The following ROBO1 variants were observed in gnomAD, a reference collection of about 807,000 sequenced individuals.
The protein encoded by ROBO1 is roundabout guidance receptor 1, also known as roundabout homolog 1.
In ROBO1, 149 loss-of-function variants were observed where a neutral mutation model predicts 195.9. That is an observed-to-expected ratio of 0.76 (90% confidence interval 0.67 to 0.87). The LOEUF (loss-of-function observed/expected upper bound fraction) is 0.87. Ranked by LOEUF, ROBO1 falls within the 40% of genes least tolerant of loss-of-function variation. The probability of loss-of-function intolerance (pLI) is 0.00; values close to 1 mark genes in which losing one functional copy is unlikely to be tolerated. For synonymous variants in ROBO1, 816 were observed against 733.2 expected (o/e 1.11, Z -1.82); for missense variants, 1,933 against 2,068.3 (o/e 0.93, Z 1.27).
intron 2 of ROBO1, among the ~76,000 whole-genome samples, chr3:79,465,263 C>T (rs921070874): frequency 5.3e-5 from 8 of 152,046 alleles, no homozygotes; most frequent in African/African-American, 1.2e-4. Flanking sequence ...TCTGTTTTAA[C>T]GGTGGTTGTC....
At chr3:78,965,659 G>A (rs1027144076) in intron 3 of ROBO1, among the ~76,000 whole-genome samples, 3 of 151,296 alleles carry the variant, frequency 2.0e-5, no homozygotes, top group Non-Finnish European at 4.4e-5. Flanking sequence ...TATTTAATCA[G>A]AAGCATTTTT....
intron 3 of ROBO1, among the ~76,000 whole-genome samples, chr3:79,051,988 A>G (rs2108368150): frequency 6.6e-6 from 1 of 152,212 alleles, no homozygotes; most frequent in Middle Eastern, 3.4e-3. Flanking sequence ...TGTAAAACAT[A>G]TGTGTTTGAA....
chr3:79,537,330 C>T (rs1406695597), intron 2 of ROBO1, among the ~76,000 whole-genome samples: 3 of 152,050 alleles, frequency 2.0e-5, no homozygotes, highest in Non-Finnish European at 2.9e-5. Context: ...ACTCACAAGG[C>T]ATTATGAGGG....
intron 20 of ROBO1, among the ~76,000 whole-genome samples, chr3:78,646,976 G>C (rs1322299608): frequency 6.6e-6 from 1 of 151,948 alleles, no homozygotes; most frequent in Non-Finnish European, 1.5e-5. Context: ...AAGCTGCCAA[G>C]TTCTGCTACT....
intron 3 of ROBO1, among the ~76,000 whole-genome samples, chr3:79,039,261 T>C (rs1230597018): frequency 6.6e-6 from 1 of 152,188 alleles, no homozygotes; most frequent in Non-Finnish European, 1.5e-5. Flanking sequence ...TTCTTTTTAT[T>C]TCACTGTGGA....
At chr3:78,721,156 C>T (rs1222752132) in intron 5 of ROBO1, among the ~76,000 whole-genome samples, 1 of 152,008 alleles carries the variant, frequency 6.6e-6, no homozygotes. Flanking sequence ...AATAAATGCA[C>T]AGCTCACATC....
At chr3:79,719,136 T>C (rs1010274816) in intron 1 of ROBO1, among the ~76,000 whole-genome samples, 1 of 151,870 alleles carries the variant, frequency 6.6e-6, no homozygotes, top group Non-Finnish European at 1.5e-5. Context: ...AGAATTTAAG[T>C]ACAGTTCTAA....
At chr3:78,753,042 G>A (rs2082837015) in intron 4 of ROBO1, among the ~76,000 whole-genome samples, 1 of 152,118 alleles carries the variant, frequency 6.6e-6, no homozygotes, top group East Asian at 1.9e-4. Context: ...TTCAAAAATT[G>A]TACATTCTGA....
intron 2 of ROBO1, among the ~76,000 whole-genome samples, chr3:79,310,638 C>T (rs930063508): frequency 3.9e-5 from 6 of 152,128 alleles, no homozygotes; most frequent in African/African-American, 1.4e-4. Flanking sequence ...TTAGATGTTT[C>T]CCAAAGAAAT....
chr3:79,680,267 C>T (rs1407542313), intron 1 of ROBO1, among the ~76,000 whole-genome samples: 1 of 151,952 alleles, frequency 6.6e-6, no homozygotes, highest in African/African-American at 2.4e-5. Context: ...TCTAATGGAG[C>T]ACGCAATGCT....
At chr3:78,643,788 G>A (rs1306826144) in intron 21 of ROBO1, among the ~76,000 whole-genome samples, 1 of 152,120 alleles carries the variant, frequency 6.6e-6, no homozygotes, top group Non-Finnish European at 1.5e-5. Context: ...AGGAAATAAT[G>A]CTAATGAAGG....
At chr3:78,980,000 G>A (rs959683152) in intron 3 of ROBO1, among the ~76,000 whole-genome samples, 4 of 152,082 alleles carry the variant, frequency 2.6e-5, no homozygotes, top group East Asian at 1.9e-4. Flanking sequence ...TTATTAAAAC[G>A]CACCTTGAGC....
In ROBO1 at chr3:79,737,155, A is replaced by G. The variant is rs377472492; in HGVS notation, c.-51+30597T>C. Among the ~76,000 whole-genome samples, 11 of 152,310 alleles carry G rather than the reference A, an allele frequency of 7.2e-5. No homozygotes were observed. In the East Asian group the frequency reaches 1.2e-3, roughly 16 times the overall value. On this transcript the variant is annotated intron_variant, in intron 1 of 30. Coordinates refer to ENST00000464233, the MANE Select transcript of ROBO1 (RefSeq NM_002941.4). The stretch of plus-strand genomic sequence containing the variant: ...GCTGGGAGAATACAACCCAAAATAT[A>G]GACAATCCAAGAGAGTGCAATATGA...
At chr3:79,569,148 G>T (rs920500554) in intron 2 of ROBO1, among the ~76,000 whole-genome samples, 8 of 150,044 alleles carry the variant, frequency 5.3e-5, no homozygotes, top group Non-Finnish European at 1.0e-4. Flanking sequence ...ACACACACAC[G>T]CACGATTTGT....
At chr3:79,233,860 C>A (rs1037933008) in intron 2 of ROBO1, among the ~76,000 whole-genome samples, 1 of 152,074 alleles carries the variant, frequency 6.6e-6, no homozygotes, top group Non-Finnish European at 1.5e-5. Context: ...TGTTTTTTGA[C>A]TTTTTAATAA....
At chr3:78,656,066 T>C (rs751171923) in intron 18 of ROBO1, among the ~76,000 whole-genome samples, 3 of 152,314 alleles carry the variant, frequency 2.0e-5, no homozygotes, top group Middle Eastern at 3.4e-3. Context: ...ATTTGTACTT[T>C]ATGTTCATGC....
intron 2 of ROBO1, among the ~76,000 whole-genome samples, chr3:79,343,353 G>A (rs1383579262): frequency 1.3e-5 from 2 of 152,136 alleles, no homozygotes; most frequent in African/African-American, 4.8e-5. Flanking sequence ...TAAATACCGA[G>A]GAGTGTGGTT....
At chr3:79,402,127 G>A (rs2037388070) in intron 2 of ROBO1, among the ~76,000 whole-genome samples, 1 of 151,356 alleles carries the variant, frequency 6.6e-6, no homozygotes, top group South Asian at 2.1e-4. Flanking sequence ...AATTTTCTCT[G>A]CACTTATCAT....
intron 3 of ROBO1, chr3:79,018,832 G>A (rs1026803992): frequency 2.0e-6 from 2 of 1,012,386 alleles, no homozygotes; most frequent in South Asian, 8.6e-5. Flanking sequence ...GTGCGGCCGA[G>A]CGCCGCTGCG....
Sources: gnomAD v4.1 joint callset for allele counts (sites outside exome capture counted in the v4.1 genomes callset) on GRCh38, gnomAD v4.1.1 for gene constraint, MANE v1.5 for transcripts, NCBI Gene and HGNC (gene_info 2026-07-23, HGNC 2026-07-21) for gene names.